The following LAMB1 variants were observed in gnomAD, a reference collection of about 807,000 sequenced individuals.
LAMB1 encodes the protein laminin subunit beta-1.
A neutral mutation model predicts 222.3 loss-of-function variants in LAMB1; 121 were observed. The observed-to-expected ratio is 0.54, with a 90% CI of 0.47 to 0.63. The LOEUF is 0.63. Ranked by LOEUF, LAMB1 falls within the 30% of genes least tolerant of loss-of-function variation. The pLI is 0.00. For missense variants in LAMB1, 2,172 were observed against 2,240.8 expected (o/e 0.97, Z 0.62); for synonymous variants, 794 against 807.2 (o/e 0.98, Z 0.28).
At chr7:107,976,903 T>C (rs12705427) in intron 9 of LAMB1, among the ~76,000 whole-genome samples, 1,581 of 18,882 alleles carry the variant, frequency 0.084, 132 homozygotes, top group African/African-American at 0.21. Flanking sequence ...CCTTTCCTCT[T>C]GCTCCTTCCT....
chr7:107,953,389 T>C (rs542461590), intron 22 of LAMB1, 141 bp downstream of exon 22: 3 of 678,526 alleles, frequency 4.4e-6, no homozygotes, highest in South Asian at 3.9e-5. Context: ...GTCTCATCTT[T>C]CCTTAGTTGA....
intron 5 of LAMB1, among the ~76,000 whole-genome samples, chr7:107,991,682 G>C (rs966673449): frequency 6.6e-6 from 1 of 151,942 alleles, no homozygotes; most frequent in Non-Finnish European, 1.5e-5. Context: ...ACGCCGAGGC[G>C]GGCAGATCAT....
intron 15 of LAMB1, among the ~76,000 whole-genome samples, chr7:107,962,427 G>A (rs963189177): frequency 3.4e-4 from 52 of 152,320 alleles, no homozygotes; most frequent in Admixed American, 3.3e-3. Context: ...AAAATGGTAC[G>A]TTTTGACTGG....
chr7:107,957,134 A>T (rs2033394402), intron 20 of LAMB1, among the ~76,000 whole-genome samples: 2 of 152,204 alleles, frequency 1.3e-5, no homozygotes, highest in African/African-American at 4.8e-5. Context: ...TCACCCCTGT[A>T]ATCCCAGCAT....
intron 15 of LAMB1, 117 bp downstream of exon 15, chr7:107,962,788 G>C: frequency 1.5e-6 from 1 of 668,374 alleles, no homozygotes; most frequent in Non-Finnish European, 2.4e-6. Flanking sequence ...ATAGGAATCT[G>C]ATCTGTTCTA....
At chr7:107,985,227 G>C (rs2034050681) in intron 7 of LAMB1, among the ~76,000 whole-genome samples, 1 of 152,132 alleles carries the variant, frequency 6.6e-6, no homozygotes, top group Non-Finnish European at 1.5e-5. Context: ...AAGACCCTCT[G>C]GTCAGGTAAC....
intron 24 of LAMB1, among the ~76,000 whole-genome samples, chr7:107,948,895 G>GATT (rs1158260078): frequency 6.6e-6 from 1 of 151,996 alleles, no homozygotes; most frequent in East Asian, 1.9e-4. Context: ...AAATTTCTAT[G>GATT]ATTATCTTAC....
In LAMB1 at chr7:107,940,215, A is replaced by C; in HGVS notation, c.3535T>G (p.Cys1179Gly). Residue 1179 changes from cysteine (C) to glycine (G), a missense_variant, in exon 25 of 34, where the codon TGC (cysteine) becomes GGC (glycine). Transcript: ENST00000222399. ...YSGVFPDCTP[C>G]HQCFALWDVI... is the part of the protein sequence containing the mutation. ...TCCCAGAGAGCAAAGCACTGGTGGCAGGGTGTGCAGTCAGGGAAGACCCCC... is the reference window on the plus strand; with the variant it reads ...TCCCAGAGAGCAAAGCACTGGTGGCCGGGTGTGCAGTCAGGGAAGACCCCC... 6.2e-7 allele frequency: 1 copy of C among 1,614,210 alleles called. No individual in the cohort carries two copies. Among genetic ancestry groups the C allele is most frequent in the Non-Finnish European group, 8.5e-7 (1 of 1,180,038 alleles).
At chr7:107,953,399 A>C in intron 22 of LAMB1, 131 bp downstream of exon 22, 2 of 727,004 alleles carry the variant, frequency 2.8e-6, no homozygotes, top group Non-Finnish European at 4.6e-6. Context: ...TCCTTAGTTG[A>C]AAGTGAAATT....
chr7:108,002,923 TGGA>T lies in LAMB1; in HGVS notation c.-41_-39del. On this transcript the variant is annotated 5_prime_UTR_variant, in exon 2 of 34. Transcript: ENST00000222399. ...CAGCCACGGGGACGCGGCAGAGGAGTGGAGAAGACGCCCGCCGAGCCGCCTGCC... is the reference window on the plus strand; with the variant it reads ...CAGCCACGGGGACGCGGCAGAGGAGTGAAGACGCCCGCCGAGCCGCCTGCC... 6.2e-7 allele frequency: 1 copy of T among 1,609,460 alleles called. No homozygotes were observed. Among genetic ancestry groups the T allele is most frequent in the Non-Finnish European group, 8.5e-7 (1 of 1,178,508 alleles).
intron 24 of LAMB1, among the ~76,000 whole-genome samples, chr7:107,944,273 C>G (rs894913331): frequency 1.2e-4 from 18 of 152,246 alleles, no homozygotes; most frequent in African/African-American, 4.1e-4. Flanking sequence ...TGCTCCCATT[C>G]TGTCATAGGC....
intron 2 of LAMB1, 66 bp downstream of exon 2, chr7:108,002,783 G>A: frequency 6.2e-7 from 1 of 1,609,302 alleles, no homozygotes; most frequent in Non-Finnish European, 8.5e-7. Flanking sequence ...TGAGCAAGCA[G>A]CTTTTGGGTT....
chr7:107,997,694 A>G (rs550979171), intron 4 of LAMB1, among the ~76,000 whole-genome samples: 2 of 152,346 alleles, frequency 1.3e-5, no homozygotes, highest in Admixed American at 1.3e-4. Flanking sequence ...CCCAAATTTC[A>G]GCATTCGAGT....
chr7:107,982,373 A>G (rs2033989265), intron 7 of LAMB1, among the ~76,000 whole-genome samples: 1 of 152,252 alleles, frequency 6.6e-6, no homozygotes, highest in Non-Finnish European at 1.5e-5. Flanking sequence ...ATATTTTCAC[A>G]GCCCAAATAC....
chr7:107,935,414 C>A lies in LAMB1; in HGVS notation c.4188+1G>T. The A allele has an allele frequency of 6.9e-7, 1 of 1,458,252 alleles. No homozygotes were observed. Among genetic ancestry groups the A allele is most frequent in the Non-Finnish European group, 9.2e-7 (1 of 1,089,110 alleles). The allele number at this position is 1,458,252 out of a possible 1,614,324, so 90.3% of individuals were successfully genotyped here. ...AGTAAGGCCACATCCCCAAACCTTA[C>A]CATTTCGGCAGCGGCTGAAAGGTCT... is the stretch of plus-strand genomic sequence containing the variant. On this transcript the variant is annotated splice_donor_variant, in intron 27 of 33. Transcript: ENST00000222399. LOFTEE classifies it high-confidence loss of function.
At chr7:107,939,206 C>G (rs74674519) in intron 25 of LAMB1, among the ~76,000 whole-genome samples, 3,218 of 152,066 alleles carry the variant, frequency 0.021, 111 homozygotes, top group African/African-American at 0.073. Flanking sequence ...TTGGGGGTTC[C>G]TTTTTGGCAA....
chr7:107,959,265 C>G lies in LAMB1; in HGVS notation c.2674G>C (p.Gly892Arg). 1 of 1,613,740 alleles carries G rather than the reference C, an allele frequency of 6.2e-7. No individual in the cohort carries two copies. The highest frequency in any genetic ancestry group is 8.5e-7 in the Non-Finnish European group (1 of 1,179,692). ...TCTGCATACCTTTCACAGTTATGAC[C>G]CATGGTGTAGTCCTGGCAGTTCAAG... ...ECLNCQDYTM[G>R]HNCERCLAGY... Residue 892 changes from glycine (G) to arginine (R), a missense_variant, in exon 20 of 34, where the codon GGT becomes CGT. Transcript: ENST00000222399.
Position 107,951,212 on chromosome 7 carries a change from C to G in LAMB1, c.3391+14G>C. 20 of 1,604,916 alleles carry G rather than the reference C, an allele frequency of 1.2e-5. No homozygotes were observed. The highest frequency in any genetic ancestry group is 1.7e-5 in the Non-Finnish European group (20 of 1,171,694). ...CTCTCTGATCAAGTCAATGCGAGAA[C>G]GCCCACAACTCACCTCGGCACTCCA... is the stretch of plus-strand genomic sequence containing the variant. On this transcript the variant is annotated intron_variant, in intron 24 of 33. Coordinates refer to ENST00000222399, the MANE Select transcript of LAMB1 (RefSeq NM_002291.3).
At chr7:107,966,445 G>A (rs981369731) in intron 13 of LAMB1, among the ~76,000 whole-genome samples, 2 of 151,950 alleles carry the variant, frequency 1.3e-5, no homozygotes, top group South Asian at 2.1e-4. Flanking sequence ...TCCTGACCTC[G>A]TGATCCATCT....
Sources: gnomAD v4.1 joint callset for allele counts (sites outside exome capture counted in the v4.1 genomes callset) on GRCh38, gnomAD v4.1.1 for gene constraint, MANE v1.5 for transcripts, NCBI Gene and HGNC (gene_info 2026-07-23, HGNC 2026-07-21) for gene names.